DIPK1A: variants seen among roughly 807,000 people sequenced by gnomAD.
DIPK1A encodes family with sequence similarity 69 member A.
DIPK1A carries 27 observed loss-of-function variants against 40.8 expected under a neutral mutation model. The ratio of observed to expected loss-of-function variants is 0.66; its 90% CI spans 0.49 to 0.91. The LOEUF (loss-of-function observed/expected upper bound fraction) is 0.91, where lower values mean the gene tolerates loss of function less well. DIPK1A is among the 40% of genes least tolerant of loss of function. DIPK1A has a pLI of 0.00. For synonymous variants in DIPK1A, 166 were observed against 171.3 expected (o/e 0.97, Z 0.24); for missense variants, 412 against 505.7 (o/e 0.81, Z 1.78).
intron 2 of DIPK1A, among the ~76,000 whole-genome samples, chr1:92,862,765 T>G (rs986766367): frequency 6.6e-6 from 1 of 152,234 alleles, no homozygotes; most frequent in Non-Finnish European, 1.5e-5. Context: ...TTGACCCTGC[T>G]TCCTTCACCT....
chr1:92,844,222 G>GAAGGA (rs1240948055), intron 4 of DIPK1A, 27 bp from the exon 5 acceptor site: 16 of 1,442,678 alleles, frequency 1.1e-5, no homozygotes, highest in Admixed American at 2.2e-5. Flanking sequence ...TAGTTACACA[G>GAAGGA]AAGGAATGAA....
chr1:92,932,712 C>T (rs1429025095), intron 1 of DIPK1A: 2 of 152,158 alleles, frequency 1.3e-5, no homozygotes, highest in Non-Finnish European at 2.9e-5. Context: ...AGGCTACATA[C>T]ATACTGTGGA....
chr1:92,841,938 C>A, downstream of DIPK1A: 2 of 1,237,624 alleles, frequency 1.6e-6, no homozygotes, highest in Non-Finnish European at 2.3e-6. Flanking sequence ...CTGTGTTAAG[C>A]TCTTATTCTT....
intron 1 of DIPK1A, among the ~76,000 whole-genome samples, chr1:92,883,378 T>TA (rs1382915054): frequency 1.3e-5 from 2 of 152,194 alleles, no homozygotes; most frequent in Non-Finnish European, 2.9e-5. Context: ...CAAGGATAAG[T>TA]AAAAAAACTA....
chr1:92,945,054 C>G (rs1651308404), intron 1 of DIPK1A, among the ~76,000 whole-genome samples: 1 of 151,982 alleles, frequency 6.6e-6, no homozygotes. Flanking sequence ...AACAGTGACA[C>G]CAACCAATGA....
intron 2 of DIPK1A, among the ~76,000 whole-genome samples, chr1:92,855,345 A>C (rs1428835215): frequency 6.6e-6 from 1 of 152,090 alleles, no homozygotes; most frequent in African/African-American, 2.4e-5. Context: ...ACTGAATATA[A>C]ATAATCGCTC....
chr1:92,849,117 G>A (rs150048227), intron 3 of DIPK1A, among the ~76,000 whole-genome samples: 85 of 152,176 alleles, frequency 5.6e-4, no homozygotes, highest in Non-Finnish European at 8.2e-4. Context: ...TAAGGTATAA[G>A]TTCAAATATT....
rs144028969 is a variant in DIPK1A at position 92,918,080 on chromosome 1, G to T, written c.55-41650C>A. 1.9e-3 allele frequency among the ~76,000 whole-genome samples: 284 copies of T among 152,170 alleles called. 4 individuals carry two copies. Among genetic ancestry groups the T allele is most frequent in the African/African-American group, 6.3e-3 (261 of 41,496 alleles). On this transcript the variant is annotated intron_variant, in intron 1 of 4. Coordinates refer to ENST00000370310, the MANE Select transcript of DIPK1A (RefSeq NM_001006605.5). ...AGAAAATAAATGTATTTATTATAAA[G>T]AAAAATACATTTGTTTTTTGTTTAT...
chr1:92,837,933 T>C (rs926985261), downstream of DIPK1A: 2 of 406,748 alleles, frequency 4.9e-6, no homozygotes, highest in African/African-American at 2.0e-5. Context: ...CTTATTTTGA[T>C]ACCATCTGGG....
chr1:92,844,902 CTTTG>C (rs1557448147), intron 4 of DIPK1A, among the ~76,000 whole-genome samples: 1 of 146,596 alleles, frequency 6.8e-6, no homozygotes, highest in African/African-American at 2.5e-5. Flanking sequence ...TTTTCTAAAA[CTTTG>C]TTTTATTTCT....
Position 92,842,791 on chromosome 1 carries a change from G to A in DIPK1A, c.*592C>T, listed in dbSNP as rs1687428819. 1 of 985,290 alleles carries A rather than the reference G, an allele frequency of 1.0e-6. No individual in the cohort carries two copies. The highest frequency in any genetic ancestry group is 1.7e-5 in the African/African-American group (1 of 57,240). The allele number at this position is 985,290 out of a possible 1,614,324, so 61.0% of individuals were successfully genotyped here. On this transcript the variant is annotated 3_prime_UTR_variant, in exon 5 of 5. Coordinates refer to ENST00000370310, the MANE Select transcript of DIPK1A (RefSeq NM_001006605.5). ...TGTACTGTCAAGTATAAGATTTCTTGAAGTAAGCCACTTGAACCATTGTGA... is the reference window on the plus strand; with the variant it reads ...TGTACTGTCAAGTATAAGATTTCTTAAAGTAAGCCACTTGAACCATTGTGA...
intron 1 of DIPK1A, among the ~76,000 whole-genome samples, chr1:92,878,308 G>T (rs1388104421): frequency 6.6e-6 from 1 of 152,176 alleles, no homozygotes; most frequent in African/African-American, 2.4e-5. Context: ...ACTTTCGGAG[G>T]CTGAGGTAGG....
At chr1:92,855,347 T>C (rs1198083965) in intron 2 of DIPK1A, among the ~76,000 whole-genome samples, 1 of 151,756 alleles carries the variant, frequency 6.6e-6, no homozygotes, top group Non-Finnish European at 1.5e-5. Context: ...TGAATATAAA[T>C]AATCGCTCAA....
At position 92,843,733 on chromosome 1, in the gene DIPK1A, T is replaced by C. The variant is rs1412480209; in HGVS notation, c.937A>G (p.Met313Val). The C allele has an allele frequency of 6.4e-7, 1 of 1,551,728 alleles. No homozygotes were observed. Among genetic ancestry groups the C allele is most frequent in the Non-Finnish European group, 8.7e-7 (1 of 1,146,962 alleles). ...TTTGTCTCTGGCACAATTTTTCTCA[T>C]ATCCACCATTTTCAAATCATACTTA... Reference protein sequence around the residue: ...NDKYDLKMVDMRKIVPETNLK... With the variant: ...NDKYDLKMVDVRKIVPETNLK... Residue 313 changes from methionine (M) to valine (V), a missense_variant, in exon 5 of 5, where the codon ATG (methionine) becomes GTG (valine). By Grantham distance (21) the Met-to-Val change is conservative (BLOSUM62 1). Coordinates refer to ENST00000370310, the MANE Select transcript of DIPK1A (RefSeq NM_001006605.5).
chr1:92,892,312 T>G (rs1648928908), intron 1 of DIPK1A, among the ~76,000 whole-genome samples: 1 of 152,026 alleles, frequency 6.6e-6, no homozygotes, highest in Admixed American at 6.6e-5. Context: ...GAGACAAAAC[T>G]TCCAGAGGAA....
At chr1:92,885,694 ATACT>A (rs1255973022) in intron 1 of DIPK1A, among the ~76,000 whole-genome samples, 1 of 152,184 alleles carries the variant, frequency 6.6e-6, no homozygotes, top group African/African-American at 2.4e-5. Context: ...CTGAAGGTAA[ATACT>A]TAGTTTGTTA....
Position 92,843,457 on chromosome 1 carries a change from T to C in DIPK1A, c.1213A>G (p.Met405Val). 1 of 1,551,340 alleles carries C rather than the reference T, an allele frequency of 6.4e-7. No individual in the cohort carries two copies. The highest frequency in any genetic ancestry group is 8.7e-7 in the Non-Finnish European group (1 of 1,146,758). Residue 405 changes from methionine to valine, a missense_variant, in exon 5 of 5, where the codon ATG (methionine) becomes GTG (valine). Met to Val is a conservative substitution (Grantham distance 21, BLOSUM62 1). Coordinates refer to ENST00000370310, the MANE Select transcript of DIPK1A (RefSeq NM_001006605.5). Reference sequence around the variant, plus strand: ...TTATTTAGTATCAAAGAATGTTCCATTTCCATTTGATTTGCTGTGACTTTG... The same window carrying C: ...TTATTTAGTATCAAAGAATGTTCCACTTCCATTTGATTTGCTGTGACTTTG... ...ALKVTANQME[M>V]EHSLILNNLK...
intron 4 of DIPK1A, 114 bp from the exon 5 acceptor site, chr1:92,844,309 C>A (rs919544936): frequency 4.8e-5 from 32 of 663,252 alleles, no homozygotes; most frequent in Non-Finnish European, 8.3e-5. Flanking sequence ...GGTACTGAAT[C>A]CCCAAACAGG....
At chr1:92,943,180 A>T (rs1470350305) in intron 1 of DIPK1A, among the ~76,000 whole-genome samples, 1 of 152,266 alleles carries the variant, frequency 6.6e-6, no homozygotes, top group Non-Finnish European at 1.5e-5. Context: ...GCTGAAAGAA[A>T]CAAAGAAAGA....
Sources: allele counts gnomAD v4.1 joint callset (sites outside exome capture counted in the v4.1 genomes callset), GRCh38; gene constraint gnomAD v4.1.1; transcripts MANE v1.5; gene names NCBI Gene and HGNC (gene_info 2026-07-23, HGNC 2026-07-21).